ATXN10: variants seen among roughly 807,000 people sequenced by gnomAD.
ATXN10 encodes the protein ataxin 10, also known as ataxin-10.
Under a neutral mutation model 52.9 loss-of-function variants are expected in ATXN10, and 28 were observed. The observed-to-expected ratio is 0.53, with a 90% CI of 0.39 to 0.73. The LOEUF (loss-of-function observed/expected upper bound fraction) is 0.73. Ranked by LOEUF, ATXN10 falls within the 30% of genes least tolerant of loss-of-function variation. The pLI, the probability that ATXN10 is intolerant of heterozygous loss-of-function variation, is 0.00. For missense variants in ATXN10, 565 were observed against 577.0 expected (o/e 0.98, Z 0.21); for synonymous variants, 226 against 221.5 (o/e 1.02, Z -0.18).
rs372154925 is a variant in ATXN10 at position 45,708,956 on chromosome 22, T to C, written c.647+6109T>C. ...GCCCACCTAAACTTTTATTAATCCA[T>C]TGAACTTTTTACCCAGTTTCACTAC... On this transcript the variant is annotated intron_variant, in intron 5 of 11. Transcript: ENST00000252934. This position sits in a 1 kb window ranked among gnomAD's most constrained non-coding sequence, Gnocchi z 5.3. 5.3e-4 allele frequency among the ~76,000 whole-genome samples: 80 copies of C among 152,294 alleles called. No homozygotes were observed. Among genetic ancestry groups the C allele is most frequent in the African/African-American group, 1.9e-3 (77 of 41,558 alleles).
Position 45,840,072 on chromosome 22 carries a change from A to G in ATXN10, c.1238-2919A>G, listed in dbSNP as rs1929296904. On this transcript the variant is annotated intron_variant, in intron 10 of 11. Coordinates refer to ENST00000252934, the MANE Select transcript of ATXN10 (RefSeq NM_013236.4). This position sits in a 1 kb window ranked among gnomAD's most constrained non-coding sequence, Gnocchi z 5.8. ...ATTAGAGTATACAGAAATACAAACA[A>G]ACAGTCATAGCTTACATAATTTCAA... Among the ~76,000 whole-genome samples the G allele has an allele frequency of 6.6e-6, 1 of 152,214 alleles. No individual in the cohort carries two copies.
intron 6 of ATXN10, among the ~76,000 whole-genome samples, chr22:45,719,926 C>T (rs951714953): frequency 6.6e-6 from 1 of 152,136 alleles, no homozygotes; most frequent in Non-Finnish European, 1.5e-5. Flanking sequence ...GGCAAGGATT[C>T]ATCCCTTCTT....
Position 45,841,294 on chromosome 22 carries a change from T to C in ATXN10, c.1238-1697T>C, listed in dbSNP as rs1386054744. 2.0e-5 allele frequency among the ~76,000 whole-genome samples: 3 copies of C among 152,248 alleles called. No homozygotes were observed. The highest frequency in any genetic ancestry group is 2.0e-4 in the Admixed American group (3 of 15,294). On this transcript the variant is annotated intron_variant, in intron 10 of 11. Coordinates refer to ENST00000252934, the MANE Select transcript of ATXN10 (RefSeq NM_013236.4). The surrounding 1 kb of genome is among the most constrained non-coding windows in gnomAD (Gnocchi z 5.1). ...AGATGACTGATTATAGAACCAGCAT[T>C]AGCTGGGCACTGACAGTCCTTTTCT...
Position 45,783,841 on chromosome 22 carries a change from G to A in ATXN10, c.1174-23118G>A, listed in dbSNP as rs1167902252. Among the ~76,000 whole-genome samples, 1 of 152,234 alleles carries A rather than the reference G, an allele frequency of 6.6e-6. No homozygotes were observed. The highest frequency in any genetic ancestry group is 6.5e-5 in the Admixed American group (1 of 15,290). Reference sequence around the variant, plus strand: ...ACCTGAAAGTGCTGTTGTCATGTTTGTGTCATGCTGATGGCACGATTCCCG... The same window carrying A: ...ACCTGAAAGTGCTGTTGTCATGTTTATGTCATGCTGATGGCACGATTCCCG... On this transcript the variant is annotated intron_variant, in intron 9 of 11. Coordinates refer to ENST00000252934, the MANE Select transcript of ATXN10 (RefSeq NM_013236.4). The surrounding 1 kb of genome is among the most constrained non-coding windows in gnomAD (Gnocchi z 5.0).
At chr22:45,776,876 TTTC>T (rs1253837257) in intron 9 of ATXN10, among the ~76,000 whole-genome samples, 4 of 152,216 alleles carry the variant, frequency 2.6e-5, no homozygotes, top group Non-Finnish European at 5.9e-5. Flanking sequence ...TTTTTAAAAG[TTTC>T]TTCATGGAAG....
At chr22:45,796,348 A>G (rs1162231036) in intron 9 of ATXN10, among the ~76,000 whole-genome samples, 6 of 152,216 alleles carry the variant, frequency 3.9e-5, no homozygotes, top group Non-Finnish European at 8.8e-5. Context: ...CCAGCAGGAC[A>G]TGGACCTTCA....
At position 45,728,064 on chromosome 22, in the gene ATXN10, G is replaced by A. The variant is rs1924948813; in HGVS notation, c.729-1361G>A. 6.6e-6 allele frequency among the ~76,000 whole-genome samples: 1 copy of A among 151,832 alleles called. No homozygotes were observed. The highest frequency in any genetic ancestry group is 6.6e-5 in the Admixed American group (1 of 15,216). ...CATTCTGCCAATCTGTATCTTTTAAGTGGAGCATTTAGATGATTTATATTC... is the reference window on the plus strand; with the variant it reads ...CATTCTGCCAATCTGTATCTTTTAAATGGAGCATTTAGATGATTTATATTC... On this transcript the variant is annotated intron_variant, in intron 6 of 11. Coordinates refer to ENST00000252934, the MANE Select transcript of ATXN10 (RefSeq NM_013236.4). This position sits in a 1 kb window ranked among gnomAD's most constrained non-coding sequence, Gnocchi z 4.3.
At chr22:45,726,859 T>C (rs1296189843) in intron 6 of ATXN10, among the ~76,000 whole-genome samples, 1 of 152,132 alleles carries the variant, frequency 6.6e-6, no homozygotes, top group Non-Finnish European at 1.5e-5. Context: ...TTTTTTAATA[T>C]TTTGTAGAGA....
intron 9 of ATXN10, among the ~76,000 whole-genome samples, chr22:45,788,079 G>T (rs766760860): frequency 1.3e-5 from 2 of 152,086 alleles, no homozygotes; most frequent in Admixed American, 1.3e-4. Context: ...CCATCTACCC[G>T]CTTTAGGAGA....
rs1309550222 is a variant in ATXN10 at position 45,824,438 on chromosome 22, A to G, written c.1237+17416A>G. ...TTATGTGTTTATTTCTCTGCATCTA[A>G]CTCTCCTCAAGGCACTAAATTGATA... On this transcript the variant is annotated intron_variant, in intron 10 of 11. Coordinates refer to ENST00000252934, the MANE Select transcript of ATXN10 (RefSeq NM_013236.4). This position sits in a 1 kb window ranked among gnomAD's most constrained non-coding sequence, Gnocchi z 5.2. 1.3e-5 allele frequency among the ~76,000 whole-genome samples: 2 copies of G among 151,910 alleles called. No homozygotes were observed. The highest frequency in any genetic ancestry group is 1.3e-4 in the Admixed American group (2 of 15,252).
intron 10 of ATXN10, among the ~76,000 whole-genome samples, chr22:45,811,082 CT>C (rs1928264795): frequency 6.6e-6 from 1 of 152,128 alleles, no homozygotes; most frequent in South Asian, 2.1e-4. Context: ...TTTTTGTCTA[CT>C]TTGATTTATC....
chr22:45,692,973 T>A, intron 2 of ATXN10, 23 bp from the exon 3 acceptor site: 1 of 1,605,516 alleles, frequency 6.2e-7, no homozygotes, highest in Non-Finnish European at 8.5e-7. Flanking sequence ...CATGTCTAAT[T>A]TTGTCTTTTT....
chr22:45,815,511 A>C (rs549034291), intron 10 of ATXN10, among the ~76,000 whole-genome samples: 7 of 152,164 alleles, frequency 4.6e-5, no homozygotes, highest in Non-Finnish European at 8.8e-5. Context: ...TGGTATGCCA[A>C]ATCCTGTGCT....
At chr22:45,821,116 AAAGCCTGTAGAAAAGTC>A (rs1256955088) in intron 10 of ATXN10, among the ~76,000 whole-genome samples, 1 of 152,192 alleles carries the variant, frequency 6.6e-6, no homozygotes, top group Non-Finnish European at 1.5e-5. Context: ...GAAGATAGGA[AAAGCCTGTAGAAAAGTC>A]AAAATATTTT....
chr22:45,679,313 A>G (rs1486173105), intron 1 of ATXN10: 1 of 152,232 alleles, frequency 6.6e-6, no homozygotes, highest in Non-Finnish European at 1.5e-5. Flanking sequence ...TGAGAGAGAA[A>G]ATGAGAGCAT....
Position 45,702,789 on chromosome 22 carries a change from C to T in ATXN10, c.589C>T (p.Leu197Phe), listed in dbSNP as rs1303470452. The T allele has an allele frequency of 3.1e-6, 5 of 1,613,930 alleles. No individual in the cohort carries two copies. The highest frequency in any genetic ancestry group is 4.2e-6 in the Non-Finnish European group (5 of 1,179,922). ...AAGAATGAAAGAACTGGAGGAGAACCTCAATATTGCAATTGATGTCATAGA... is the reference window on the plus strand; with the variant it reads ...AAGAATGAAAGAACTGGAGGAGAACTTCAATATTGCAATTGATGTCATAGA... ...HERMKELEEN[L>F]NIAIDVIDAY... The change falls in exon 5 of 12, where the codon CTC becomes TTC. Residue 197 changes from leucine to phenylalanine, a missense_variant. By Grantham distance (22) the Leu-to-Phe change is conservative. Transcript: ENST00000252934.
rs1926923343 is a variant in ATXN10, at chr22:45,775,571, G to A, written c.1174-31388G>A. ...AATGCAGTTAATATTGGAAAATATG[G>A]TTAGAATTAGGTGACTGCCAAACAT... On this transcript the variant is annotated intron_variant, in intron 9 of 11. Coordinates refer to ENST00000252934, the MANE Select transcript of ATXN10 (RefSeq NM_013236.4). The surrounding 1 kb of genome is among the most constrained non-coding windows in gnomAD (Gnocchi z 4.7). Among the ~76,000 whole-genome samples the A allele has an allele frequency of 6.6e-6, 1 of 152,182 alleles. No homozygotes were observed. The highest frequency in any genetic ancestry group is 2.4e-5 in the African/African-American group (1 of 41,444).
At chr22:45,839,678 TCCAACC>T (rs1298714341) in intron 10 of ATXN10, among the ~76,000 whole-genome samples, 1 of 152,206 alleles carries the variant, frequency 6.6e-6, no homozygotes, top group African/African-American at 2.4e-5. Flanking sequence ...AATGTTGCCC[TCCAACC>T]CCAAGATGAA....
chr22:45,806,183 A>G (rs11912818), intron 9 of ATXN10, among the ~76,000 whole-genome samples: 3,045 of 152,238 alleles, frequency 0.02, 110 homozygotes, highest in African/African-American at 0.068. Context: ...CCAGCAGTGT[A>G]TGAGAGTGTC....
Sources: allele counts gnomAD v4.1 joint callset (sites outside exome capture counted in the v4.1 genomes callset), GRCh38; gene constraint gnomAD v4.1.1; non-coding constraint Gnocchi (gnomAD v3.1); transcripts MANE v1.5; gene names NCBI Gene and HGNC (gene_info 2026-07-23, HGNC 2026-07-21).